Variants in ZRANB3 observed in about 807,000 individuals in gnomAD.
ZRANB3 encodes the protein zinc finger RANBP2-type containing 3, also known as DNA annealing helicase and endonuclease ZRANB3.
Under a neutral mutation model 133.8 loss-of-function variants are expected in ZRANB3, and 125 were observed. The ratio of observed to expected loss-of-function variants is 0.93; its 90% CI spans 0.81 to 1.08. ZRANB3 has a LOEUF of 1.08. ZRANB3 is among the 50% of genes least tolerant of loss of function. The probability of loss-of-function intolerance (pLI) is 0.00; values close to 1 mark genes in which losing one functional copy is unlikely to be tolerated. For missense variants in ZRANB3, 1,229 were observed against 1,275.5 expected (o/e 0.96, Z 0.56); for synonymous variants, 387 against 432.7 (o/e 0.89, Z 1.31).
intron 6 of ZRANB3, among the ~76,000 whole-genome samples, chr2:135,316,230 C>T (rs1683245938): frequency 6.6e-6 from 1 of 152,206 alleles, no homozygotes; most frequent in Non-Finnish European, 1.5e-5. Flanking sequence ...ATAACTTAAA[C>T]TGCTTGCAAA....
chr2:135,354,539 C>T (rs1685344305), intron 3 of ZRANB3, among the ~76,000 whole-genome samples: 1 of 152,176 alleles, frequency 6.6e-6, no homozygotes. Context: ...ATGTACTTCA[C>T]CTGTGCATGA....
chr2:135,503,000 G>A (rs1329785548), intron 2 of ZRANB3, among the ~76,000 whole-genome samples: 1 of 152,126 alleles, frequency 6.6e-6, no homozygotes, highest in Non-Finnish European at 1.5e-5. Flanking sequence ...CATATTACTG[G>A]ATTCCATTTA....
chr2:135,404,484 C>G (rs1314873769), intron 2 of ZRANB3, among the ~76,000 whole-genome samples: 1 of 152,128 alleles, frequency 6.6e-6, no homozygotes. Context: ...ATTGGTGTAC[C>G]TCAAAGTGAC....
chr2:135,289,012 C>T (rs1002046355), intron 8 of ZRANB3, among the ~76,000 whole-genome samples: 1 of 151,450 alleles, frequency 6.6e-6, no homozygotes, highest in Non-Finnish European at 1.5e-5. Flanking sequence ...TGAGGTATGA[C>T]CTTAGATTGT....
chr2:135,321,402 T>A (rs1025489787), intron 6 of ZRANB3, among the ~76,000 whole-genome samples: 1 of 152,174 alleles, frequency 6.6e-6, no homozygotes, highest in Non-Finnish European at 1.5e-5. Context: ...TATATCGCCT[T>A]AGGTCAAGCG....
chr2:135,337,243 T>C (rs1383332938), intron 6 of ZRANB3, among the ~76,000 whole-genome samples: 1 of 152,168 alleles, frequency 6.6e-6, no homozygotes, highest in African/African-American at 2.4e-5. Flanking sequence ...TTAAGATGCT[T>C]ATCTTGTCCT....
In ZRANB3 at chr2:135,504,330, T is replaced by C; in HGVS notation, c.160A>G (p.Arg54Gly). 1 of 1,613,314 alleles carries C rather than the reference T, an allele frequency of 6.2e-7. No homozygotes were observed. Among genetic ancestry groups the C allele is most frequent in the Non-Finnish European group, 8.5e-7 (1 of 1,179,586 alleles). The change falls in exon 2 of 21, where the codon AGG (arginine) becomes GGG (glycine). Residue 54 changes from arginine (R) to glycine (G), a missense_variant and splice_region_variant. Coordinates refer to ENST00000264159, the MANE Select transcript of ZRANB3 (RefSeq NM_032143.4). ...TAGCATGTCTTCAAAGAACTTTACC[T>C]GCCATTTCTTTTGAGGGCAAAAATG... ...GIIFALKRNGRCMVADEMGLG... is the reference protein window; with the variant it reads ...GIIFALKRNGGCMVADEMGLG...
chr2:135,233,163 C>A (rs1015107537), intron 12 of ZRANB3, among the ~76,000 whole-genome samples: 5 of 151,982 alleles, frequency 3.3e-5, no homozygotes, highest in Non-Finnish European at 2.9e-5. Flanking sequence ...CCTCAGTAGC[C>A]GATTTGATCA....
At chr2:135,318,232 G>A (rs1417815128) in intron 6 of ZRANB3, among the ~76,000 whole-genome samples, 1 of 150,942 alleles carries the variant, frequency 6.6e-6, no homozygotes, top group East Asian at 1.9e-4. Context: ...GTGTGTGTGT[G>A]TGTGTGTGTG....
At chr2:135,200,471 G>A (rs772737015) in intron 20 of ZRANB3, 31 bp from the exon 21 acceptor site, 22 of 1,527,244 alleles carry the variant, frequency 1.4e-5, no homozygotes, top group Non-Finnish European at 2.0e-5. Context: ...ATGTGTACAC[G>A]TTAGGAAAAA....
chr2:135,237,649 G>T (rs1290121732), intron 12 of ZRANB3, among the ~76,000 whole-genome samples: 1 of 152,048 alleles, frequency 6.6e-6, no homozygotes, highest in Non-Finnish European at 1.5e-5. Flanking sequence ...TAGGGACATG[G>T]ATGAAGCTGG....
intron 3 of ZRANB3, among the ~76,000 whole-genome samples, chr2:135,370,157 T>C (rs556716709): frequency 6.6e-6 from 1 of 151,990 alleles, no homozygotes; most frequent in African/African-American, 2.4e-5. Context: ...TTTTTACCTA[T>C]TGTTCTATAA....
At chr2:135,335,841 T>G (rs2095521941) in intron 6 of ZRANB3, among the ~76,000 whole-genome samples, 1 of 152,150 alleles carries the variant, frequency 6.6e-6, no homozygotes, top group Non-Finnish European at 1.5e-5. Context: ...TCTTTTTCTA[T>G]GTAAAAGAAT....
Position 135,293,990 on chromosome 2 carries a change from C to T in ZRANB3, c.967-18235G>A, listed in dbSNP as rs577361804. On this transcript the variant is annotated intron_variant, in intron 8 of 20. Coordinates refer to ENST00000264159, the MANE Select transcript of ZRANB3 (RefSeq NM_032143.4). Reference sequence around the variant, plus strand: ...AAGCTTTTTGATGTGCTGCTGGATTCGGTTTGCCAGTATTTTATTGAGGAT... The same window carrying T: ...AAGCTTTTTGATGTGCTGCTGGATTTGGTTTGCCAGTATTTTATTGAGGAT... Among the ~76,000 whole-genome samples, 20 of 152,040 alleles carry T rather than the reference C, an allele frequency of 1.3e-4. No homozygotes were observed. The South Asian group carries it at 3.5e-3, about 27-fold the overall frequency.
intron 3 of ZRANB3, among the ~76,000 whole-genome samples, chr2:135,374,345 G>A (rs1348547427): frequency 1.3e-5 from 2 of 152,086 alleles, no homozygotes; most frequent in African/African-American, 4.8e-5. Context: ...TTGGGAGGCT[G>A]CAGTGAGCTG....
chr2:135,402,625 CA>C, intron 2 of ZRANB3, among the ~76,000 whole-genome samples: 1 of 151,084 alleles, frequency 6.6e-6, no homozygotes, highest in East Asian at 1.9e-4. Flanking sequence ...TCGCTCTTGT[CA>C]CCCAGGCTGG....
chr2:135,347,631 T>C (rs1205927554), intron 5 of ZRANB3, among the ~76,000 whole-genome samples: 1 of 152,204 alleles, frequency 6.6e-6, no homozygotes, highest in African/African-American at 2.4e-5. Context: ...CGCTGGGTCA[T>C]ACAGTAACAT....
intron 2 of ZRANB3, among the ~76,000 whole-genome samples, chr2:135,464,206 C>T (rs902588964): frequency 6.6e-6 from 1 of 152,058 alleles, no homozygotes; most frequent in Non-Finnish European, 1.5e-5. Context: ...AATATAAATG[C>T]TTTTCCCCTT....
At chr2:135,271,950 A>G in intron 9 of ZRANB3, 63 bp from the exon 10 acceptor site, 1 of 1,439,886 alleles carries the variant, frequency 6.9e-7, no homozygotes, top group Non-Finnish European at 9.2e-7. Context: ...CTCATTTTAT[A>G]TATTTTACAG....
Sources: gnomAD v4.1 joint callset for allele counts (sites outside exome capture counted in the v4.1 genomes callset) on GRCh38, gnomAD v4.1.1 for gene constraint, MANE v1.5 for transcripts, NCBI Gene and HGNC (gene_info 2026-07-23, HGNC 2026-07-21) for gene names.